COL6A6: variants seen among roughly 807,000 people sequenced by gnomAD.
COL6A6 encodes the protein collagen alpha-6(VI) chain.
In COL6A6, 183 loss-of-function variants were observed where a neutral mutation model predicts 208.6. The ratio of observed to expected loss-of-function variants is 0.88; its 90% CI spans 0.78 to 0.99. COL6A6 has a LOEUF of 0.99. Ranked by LOEUF, COL6A6 falls within the 50% of genes least tolerant of loss-of-function variation. The probability of loss-of-function intolerance (pLI) is 0.00; values close to 1 mark genes in which losing one functional copy is unlikely to be tolerated. For missense variants in COL6A6, 2,816 were observed against 2,815.2 expected, an observed-to-expected ratio of 1.00 and a Z score of -0.01; for synonymous variants, 973 against 1,011.8, an observed-to-expected ratio of 0.96 and a Z score of 0.73.
chr3:130,648,578 C>A (rs1291575855), intron 32 of COL6A6, among the ~76,000 whole-genome samples: 1 of 152,176 alleles, frequency 6.6e-6, no homozygotes. Flanking sequence ...ACTCTCTTTG[C>A]GTCTCATTCT....
rs12495609 is a variant in COL6A6, at chr3:130,641,176, A to G, written c.5092-476A>G. Among the ~76,000 whole-genome samples the G allele has an allele frequency of 2.3e-4, 35 of 150,250 alleles. No homozygotes were observed. In the East Asian group the frequency reaches 6.0e-3, roughly 26 times the overall value. On this transcript the variant is annotated intron_variant, in intron 28 of 36. Coordinates refer to ENST00000358511, the MANE Select transcript of COL6A6 (RefSeq NM_001102608.3). ...GTGGGGGTCCTATTACCTGTTGCCT[A>G]TTGCAGCAACAAACAGTAAGGGACT...
intron 19 of COL6A6, among the ~76,000 whole-genome samples, chr3:130,598,751 A>T (rs915526975): frequency 9.2e-5 from 14 of 152,220 alleles, no homozygotes; most frequent in Non-Finnish European, 1.6e-4. Flanking sequence ...CTAGCAAAAG[A>T]GCTGTTGGCC....
At chr3:130,638,589 A>G (rs898937909) in intron 28 of COL6A6, among the ~76,000 whole-genome samples, 2 of 152,212 alleles carry the variant, frequency 1.3e-5, no homozygotes, top group Non-Finnish European at 2.9e-5. Flanking sequence ...TGTTTCGTGG[A>G]AAACTCATCC....
intron 32 of COL6A6, among the ~76,000 whole-genome samples, chr3:130,645,679 T>C (rs1022033): frequency 0.21 from 31,993 of 152,104 alleles, 4,922 homozygotes; most frequent in African/African-American, 0.43. Context: ...AGAATAAAAG[T>C]GGGGATGATC....
intron 24 of COL6A6, among the ~76,000 whole-genome samples, chr3:130,624,511 G>A (rs918676932): frequency 6.6e-6 from 1 of 152,208 alleles, no homozygotes; most frequent in Admixed American, 6.5e-5. Context: ...TATATGGCAT[G>A]TAATCGGGAA....
Position 130,563,172 on chromosome 3 carries a change from C to T in COL6A6, c.169C>T (p.Leu57Phe). 1 of 1,614,022 alleles carries T rather than the reference C, an allele frequency of 6.2e-7. No homozygotes were observed. The highest frequency in any genetic ancestry group is 1.1e-5 in the South Asian group (1 of 91,084). Residue 57 changes from leucine to phenylalanine, a missense_variant, in exon 3 of 37, where the codon CTC (leucine) becomes TTC (phenylalanine). Transcript: ENST00000358511. ...KMFITKMISS[L>F]PIEADKYRVA... ...GTTCATCACCAAAATGATCAGCAGT[C>T]TCCCCATAGAGGCCGACAAATACCG...
chr3:130,620,795 T>A (rs12496172), intron 23 of COL6A6, among the ~76,000 whole-genome samples: 46,161 of 151,924 alleles, frequency 0.3, 8,843 homozygotes, highest in African/African-American at 0.51. Flanking sequence ...GCAAGTGTCA[T>A]GCTCATTACG....
intron 32 of COL6A6, 76 bp downstream of exon 32, chr3:130,645,078 ATGTATTG>A: frequency 7.2e-7 from 1 of 1,394,086 alleles, no homozygotes. Flanking sequence ...AGTTAGAGCA[ATGTATTG>A]GCTTCCAAAT....
At chr3:130,584,615 AAATT>A (rs1363972204) in intron 10 of COL6A6, among the ~76,000 whole-genome samples, 2 of 151,254 alleles carry the variant, frequency 1.3e-5, no homozygotes, top group Non-Finnish European at 3.0e-5. Flanking sequence ...TTTATTTTTT[AAATT>A]AATTTATTTT....
intron 33 of COL6A6, 62 bp from the exon 34 acceptor site, chr3:130,658,614 G>A: frequency 1.1e-5 from 12 of 1,056,260 alleles, no homozygotes; most frequent in Non-Finnish European, 1.6e-5. Flanking sequence ...TCTCTATGTA[G>A]TCCTAAGAGG....
chr3:130,573,865 G>T (rs541554671), intron 7 of COL6A6, 91 bp from the exon 8 acceptor site: 1 of 938,242 alleles, frequency 1.1e-6, no homozygotes. Context: ...CACCGCGCCC[G>T]GCCTATAGCT....
In COL6A6 at chr3:130,649,296, C is replaced by T. The variant is rs1219477007; in HGVS notation, c.5467C>T (p.Gln1823Ter). ...CTTCTCAGACGCCTACAAGAAGAGT[C>T]AACTTCTCAGAGAAATTGAAACTAT... ...VRFSDAYKKS[Q>*]LLREIETIPY... The change falls in exon 33 of 37, where the codon CAA (glutamine) becomes TAA (stop). Residue 1823 changes from glutamine to a stop codon, truncating the protein, a stop_gained. Transcript: ENST00000358511. LOFTEE classifies it high-confidence loss of function. 15 of 1,605,946 alleles carry T rather than the reference C, an allele frequency of 9.3e-6. No individual in the cohort carries two copies. The highest frequency in any genetic ancestry group is 1.7e-5 in the Admixed American group (1 of 58,848).
chr3:130,664,569 C>G (rs1287217125), intron 35 of COL6A6, among the ~76,000 whole-genome samples: 1 of 152,126 alleles, frequency 6.6e-6, no homozygotes, highest in Non-Finnish European at 1.5e-5. Context: ...ATGAACTGAA[C>G]CCAAGATGTT....
intron 1 of COL6A6, among the ~76,000 whole-genome samples, chr3:130,539,984 A>G (rs548336825): frequency 6.6e-6 from 1 of 152,290 alleles, no homozygotes; most frequent in East Asian, 1.9e-4. Context: ...TTCATTACAT[A>G]CTCATTTATG....
intron 1 of COL6A6, among the ~76,000 whole-genome samples, chr3:130,544,995 G>A (rs538922463): frequency 4.6e-5 from 7 of 152,004 alleles, no homozygotes; most frequent in Non-Finnish European, 1.0e-4. Context: ...TATTTCCTTT[G>A]CTGTGCTGAA....
intron 20 of COL6A6, among the ~76,000 whole-genome samples, chr3:130,604,067 A>G (rs908676291): frequency 2.6e-5 from 4 of 152,158 alleles, no homozygotes; most frequent in Non-Finnish European, 4.4e-5. Context: ...ATATTTTGGA[A>G]TTTCATCTTT....
intron 1 of COL6A6, among the ~76,000 whole-genome samples, chr3:130,528,038 CA>C (rs2062000803): frequency 1.3e-5 from 2 of 151,522 alleles, no homozygotes; most frequent in Admixed American, 1.3e-4. Context: ...AGGAGACAGA[CA>C]TTGAAGAGAT....
chr3:130,656,899 G>C (rs2065805246), intron 33 of COL6A6, among the ~76,000 whole-genome samples: 1 of 152,258 alleles, frequency 6.6e-6, no homozygotes. Flanking sequence ...CCTCAACTTT[G>C]CTCCAAGATC....
chr3:130,556,317 C>T (rs1260055852), intron 1 of COL6A6, among the ~76,000 whole-genome samples: 1 of 151,948 alleles, frequency 6.6e-6, no homozygotes, highest in Non-Finnish European at 1.5e-5. Flanking sequence ...CTCATATTGT[C>T]CTTGTTTGAT....
Sources: gnomAD v4.1 joint callset for allele counts (sites outside exome capture counted in the v4.1 genomes callset) on GRCh38, gnomAD v4.1.1 for gene constraint, MANE v1.5 for transcripts, NCBI Gene and HGNC (gene_info 2026-07-23, HGNC 2026-07-21) for gene names.